DAB1: variants seen among roughly 807,000 people sequenced by gnomAD.
DAB1 encodes disabled homolog 1.
In DAB1, 15 loss-of-function variants were observed where a neutral mutation model predicts 64.6. The observed-to-expected ratio is 0.23, with a 90% CI of 0.16 to 0.36. The LOEUF is 0.36. DAB1 is among the 10% of genes least tolerant of loss of function. The pLI, the probability that DAB1 is intolerant of heterozygous loss-of-function variation, is 1.00. For missense variants in DAB1, 596 were observed against 706.7 expected, an observed-to-expected ratio of 0.84 and a Z score of 1.78; for synonymous variants, 235 against 251.9, an observed-to-expected ratio of 0.93 and a Z score of 0.64.
At chr1:57,026,369 T>C (rs554382365) in intron 9 of DAB1, among the ~76,000 whole-genome samples, 36 of 152,310 alleles carry the variant, frequency 2.4e-4, no homozygotes, top group Non-Finnish European at 4.9e-4. Flanking sequence ...TTCTAGGAGA[T>C]AAAGGCAGGG....
At chr1:58,195,286 C>A (rs1467253887) in intron 4 of DAB1, among the ~76,000 whole-genome samples, 1 of 151,982 alleles carries the variant, frequency 6.6e-6, no homozygotes, top group Non-Finnish European at 1.5e-5. Context: ...GGAAGAAGGG[C>A]AGAAATCAAG....
At chr1:57,479,942 A>G (rs1239588389) in intron 7 of DAB1, among the ~76,000 whole-genome samples, 2 of 152,050 alleles carry the variant, frequency 1.3e-5, no homozygotes, top group Non-Finnish European at 2.9e-5. Flanking sequence ...TCACGAGGTC[A>G]GGAGATCGAG....
intron 7 of DAB1, among the ~76,000 whole-genome samples, chr1:57,495,741 C>G (rs940019252): frequency 6.6e-6 from 1 of 152,156 alleles, no homozygotes; most frequent in Non-Finnish European, 1.5e-5. Flanking sequence ...CTAGTGAGTC[C>G]ATAAATCCAC....
At chr1:57,349,972 TC>T (rs1190969284) in intron 1 of DAB1, among the ~76,000 whole-genome samples, 12 of 152,304 alleles carry the variant, frequency 7.9e-5, no homozygotes, top group African/African-American at 2.6e-4. Context: ...ACAAACTACT[TC>T]ATTTCTATGG....
chr1:58,114,166 G>A (rs1440245000), intron 5 of DAB1, among the ~76,000 whole-genome samples: 2 of 152,088 alleles, frequency 1.3e-5, no homozygotes, highest in African/African-American at 4.8e-5. Flanking sequence ...GGCTGAGGCA[G>A]GAGAATCATT....
intron 2 of DAB1, among the ~76,000 whole-genome samples, chr1:57,278,142 G>T (rs527448207): frequency 6.6e-6 from 1 of 152,168 alleles, no homozygotes; most frequent in African/African-American, 2.4e-5. Context: ...ATGGTGTAGC[G>T]GAAAGAGCTT....
chr1:57,426,876 T>TATATATATATATATATATATATATATA (rs1383757354), upstream of DAB1, among the ~76,000 whole-genome samples: 504 of 134,438 alleles, frequency 3.7e-3, 7 homozygotes, highest in Non-Finnish European at 5.9e-3. Context: ...ATATATATAT[T>TATATATATATATATATATATATATATA]TTTTTGAGAC....
chr1:57,468,618 T>A (rs1687034874), intron 7 of DAB1, among the ~76,000 whole-genome samples: 1 of 152,134 alleles, frequency 6.6e-6, no homozygotes, highest in Non-Finnish European at 1.5e-5. Flanking sequence ...GGACAACGTA[T>A]GGGTGTGACA....
chr1:57,382,785 G>A (rs1026862762), intron 1 of DAB1, among the ~76,000 whole-genome samples: 2 of 152,072 alleles, frequency 1.3e-5, no homozygotes, highest in African/African-American at 4.8e-5. Context: ...TTCATATCAA[G>A]GTCCTTATAT....
At chr1:58,194,027 T>C (rs1291990776) in intron 4 of DAB1, among the ~76,000 whole-genome samples, 2 of 152,196 alleles carry the variant, frequency 1.3e-5, no homozygotes, top group East Asian at 3.8e-4. Flanking sequence ...GATAAAGAAT[T>C]TGCTGCTGCA....
intron 1 of DAB1, among the ~76,000 whole-genome samples, chr1:57,415,872 T>C (rs1684457790): frequency 1.3e-5 from 2 of 152,184 alleles, no homozygotes; most frequent in Admixed American, 1.3e-4. Context: ...ATGTTTATGA[T>C]CATTCACACC....
chr1:57,353,782 TGAG>T (rs1218741693), intron 1 of DAB1, among the ~76,000 whole-genome samples: 1 of 152,274 alleles, frequency 6.6e-6, no homozygotes, highest in East Asian at 1.9e-4. Context: ...GAATAACAGA[TGAG>T]GCCTGGGATG....
chr1:58,330,637 A>G (rs1328478404), intron 4 of DAB1, among the ~76,000 whole-genome samples: 1 of 152,196 alleles, frequency 6.6e-6, no homozygotes, highest in African/African-American at 2.4e-5. Flanking sequence ...TTAAGTTGAA[A>G]TCAGTGCTCA....
intron 3 of DAB1, among the ~76,000 whole-genome samples, chr1:58,455,073 C>T (rs1645180426): frequency 1.3e-5 from 2 of 152,200 alleles, no homozygotes; most frequent in Admixed American, 1.3e-4. Flanking sequence ...GAGGAAGTGT[C>T]TATATTTGAG....
chr1:58,122,453 C>T (rs931234627), intron 5 of DAB1, among the ~76,000 whole-genome samples: 10 of 152,128 alleles, frequency 6.6e-5, no homozygotes, highest in Non-Finnish European at 1.0e-4. Flanking sequence ...CACCTTGCAG[C>T]TTTGTTACAT....
chr1:57,759,621 T>C (rs932307119), intron 6 of DAB1, among the ~76,000 whole-genome samples: 14 of 152,196 alleles, frequency 9.2e-5, no homozygotes, highest in Non-Finnish European at 2.1e-4. Context: ...TTTTGTTTTT[T>C]CTAATTGCAG....
Position 58,219,023 on chromosome 1 carries a change from CTCTGTG to C in DAB1, n.310-68441_310-68436del, listed in dbSNP as rs1327988477. ...TCTCTCTCTCTCTCTCTCTCTCTCT[CTCTGTG>C]TGTGTGTGTGTGTGTTTCAATTTAA... On this transcript the variant is annotated intron_variant and non_coding_transcript_variant, in intron 4 of 20. Coordinates refer to the DAB1 transcript ENST00000485760. Among the ~76,000 whole-genome samples the C allele has an allele frequency of 3.8e-3, 433 of 115,244 alleles. 1 individual carries two copies. The highest frequency in any genetic ancestry group is 0.014 in the Middle Eastern group (3 of 222). The allele number at this position is 115,244 out of a possible 152,430, so 75.6% of individuals were successfully genotyped here. A position where few individuals can be genotyped will look rare whatever the true frequency, so the allele number is the denominator to read the frequency against.
At chr1:57,342,757 G>C (rs71642114) in intron 1 of DAB1, among the ~76,000 whole-genome samples, 1 of 150,180 alleles carries the variant, frequency 6.7e-6, no homozygotes, top group Non-Finnish European at 1.5e-5. Flanking sequence ...CGCTGGCTCA[G>C]GAGTGAAGCT....
intron 7 of DAB1, among the ~76,000 whole-genome samples, chr1:57,506,929 C>G (rs147880485): frequency 6.6e-6 from 1 of 152,298 alleles, no homozygotes; most frequent in Non-Finnish European, 1.5e-5. Flanking sequence ...CCCACTGCTT[C>G]TACCTTTTTC....
Sources: gnomAD v4.1 joint callset for allele counts (sites outside exome capture counted in the v4.1 genomes callset) on GRCh38, gnomAD v4.1.1 for gene constraint, MANE v1.5 for transcripts, NCBI Gene and HGNC (gene_info 2026-07-23, HGNC 2026-07-21) for gene names.